Variants in FAM193B observed in about 807,000 individuals in gnomAD.
FAM193B encodes the protein family with sequence similarity 193 member B.
A neutral mutation model predicts 70.7 loss-of-function variants in FAM193B; 27 were observed. The ratio of observed to expected loss-of-function variants is 0.38; its 90% CI spans 0.28 to 0.53. FAM193B has a LOEUF of 0.53. Among genes scored for constraint, FAM193B ranks in the 20% least tolerant of loss-of-function variants. The pLI is 0.81. For synonymous variants in FAM193B, 448 were observed against 436.0 expected (o/e 1.03, Z -0.34); for missense variants, 1,022 against 1,072.5 (o/e 0.95, Z 0.66).
chr5:177,530,597 A>T (rs1763300467), intron 5 of FAM193B, among the ~76,000 whole-genome samples: 1 of 152,080 alleles, frequency 6.6e-6, no homozygotes, highest in South Asian at 2.1e-4. Context: ...GCTACCTTCC[A>T]TTTGGCCACG....
chr5:177,553,571 C>T (rs935408718), intron 1 of FAM193B: 8 of 1,164,654 alleles, frequency 6.9e-6, no homozygotes, highest in South Asian at 1.7e-5. Flanking sequence ...GGGAATCCTC[C>T]TACTGTTCGC....
intron 5 of FAM193B, chr5:177,531,606 T>G (rs2127462440): frequency 9.1e-7 from 1 of 1,098,282 alleles, no homozygotes; most frequent in Admixed American, 3.5e-5. Flanking sequence ...AAGTATGTGA[T>G]GAGAAGCAAG....
rs767547329 is a variant in FAM193B at position 177,539,139 on chromosome 5, G to A, written c.219C>T (p.Pro73=). 1.7e-5 allele frequency: 26 copies of A among 1,565,102 alleles called. No individual in the cohort carries two copies. Among genetic ancestry groups the A allele is most frequent in the East Asian group, 9.4e-5 (4 of 42,588 alleles). The change falls in exon 2 of 9, where the codon CCC becomes CCT. Residue 73 remains proline, a synonymous_variant. Coordinates refer to ENST00000514747, the MANE Select transcript of FAM193B (RefSeq NM_001190946.3). ...PNLVPGPQVP[P]ASSQPVQTCC... is the part of the protein sequence containing the mutation. ...AAGTCTGCACAGGCTGGCTGGAGGC[G>A]GGGGGGACCTGTCCAACAGACAGAA...
rs781708652 is a variant in FAM193B, at chr5:177,532,494, T to TC, written c.1223dup (p.Asp409ArgfsTer6). 6.2e-7 allele frequency: 1 copy of TC among 1,611,756 alleles called. No homozygotes were observed. Among genetic ancestry groups the TC allele is most frequent in the South Asian group, 1.1e-5 (1 of 90,320 alleles). ...AGCAGCAGTCACAGAACTTCCCATC[T>TC]CTCTGGTGGGTGGAGGATGAGGTGC... On this transcript the variant is annotated frameshift_variant, in exon 5 of 9. Transcript: ENST00000514747. LOFTEE classifies it high-confidence loss of function. The surrounding 1 kb of genome is among the most constrained non-coding windows in gnomAD (Gnocchi z 4.9).
intron 7 of FAM193B, among the ~76,000 whole-genome samples, chr5:177,522,636 G>A (rs1761937281): frequency 6.6e-6 from 1 of 151,564 alleles, no homozygotes; most frequent in African/African-American, 2.4e-5. Context: ...CACTGTGCTT[G>A]GCCTTCCCAC....
chr5:177,546,977 T>C (rs1239963954), intron 1 of FAM193B, among the ~76,000 whole-genome samples: 2 of 152,176 alleles, frequency 1.3e-5, no homozygotes, highest in African/African-American at 2.4e-5. Context: ...ACGTTACTCA[T>C]GGAGGAGGAA....
intron 5 of FAM193B, among the ~76,000 whole-genome samples, chr5:177,529,069 T>C (rs1018726450): frequency 3.9e-5 from 6 of 152,060 alleles, no homozygotes; most frequent in Middle Eastern, 3.4e-3. Flanking sequence ...GAGAAACGGA[T>C]TGACCTGGGA....
chr5:177,532,305 A>T lies in FAM193B; in HGVS notation c.1275+138T>A. The T allele has an allele frequency of 6.7e-7, 1 of 1,486,970 alleles. No homozygotes were observed. Among genetic ancestry groups the T allele is most frequent in the South Asian group, 1.3e-5 (1 of 77,180 alleles). The allele number at this position is 1,486,970 out of a possible 1,614,324, so 92.1% of individuals were successfully genotyped here. A position where few individuals can be genotyped will look rare whatever the true frequency, so the allele number is the denominator to read the frequency against. On this transcript the variant is annotated intron_variant, in intron 5 of 8. Transcript: ENST00000514747. The surrounding 1 kb of genome is among the most constrained non-coding windows in gnomAD (Gnocchi z 4.9). Reference sequence around the variant, plus strand: ...AATGTGCTGTGAGGATCAAGCGAGCAGACGCAGGTGCAAGGACTCACGGCC... The same window carrying T: ...AATGTGCTGTGAGGATCAAGCGAGCTGACGCAGGTGCAAGGACTCACGGCC...
In FAM193B at chr5:177,540,864, C is replaced by T. The variant is rs560554569; in HGVS notation, c.211-1717G>A. On this transcript the variant is annotated intron_variant, in intron 1 of 8. Coordinates refer to ENST00000514747, the MANE Select transcript of FAM193B (RefSeq NM_001190946.3). ...GCCTACGGGAATAATAAGGGTATCA[C>T]CCTCATCCTACCAATAAGATAATGC... 1.0e-3 allele frequency among the ~76,000 whole-genome samples: 155 copies of T among 152,278 alleles called. 3 individuals are homozygous for T. The South Asian group carries it at 0.031, about 31-fold the overall frequency.
At position 177,524,937 on chromosome 5, in the gene FAM193B, A is replaced by G; in HGVS notation, c.1544T>C (p.Leu515Pro). 1 of 1,507,712 alleles carries G rather than the reference A, an allele frequency of 6.6e-7. No individual in the cohort carries two copies. The highest frequency in any genetic ancestry group is 8.9e-7 in the Non-Finnish European group (1 of 1,129,882). 93.4% of individuals were successfully genotyped at this position (1,507,712 alleles called of 1,614,324 possible). The change falls in exon 6 of 9, where the codon CTA becomes CCA. Residue 515 changes from leucine to proline, a missense_variant. Coordinates refer to ENST00000514747, the MANE Select transcript of FAM193B (RefSeq NM_001190946.3). ...GGAGCCACTGAGGTTTGAGGGGGGT[A>G]GACTCTGAGGCTCAGGCTCAGCAGC... ...EGAAEPEPQS[L>P]PPSNLSGSSE...
In FAM193B at chr5:177,523,997, C is replaced by G. The variant is rs1281234371; in HGVS notation, c.2332G>C (p.Glu778Gln). 4.3e-6 allele frequency: 7 copies of G among 1,613,976 alleles called. No individual in the cohort carries two copies. The highest frequency in any genetic ancestry group is 5.1e-6 in the Non-Finnish European group (6 of 1,179,924). The part of the protein sequence containing the change: ...VFLPKDMDGV[E>Q]MDETDREVEY... ...ACCTCTCGGTCAGTCTCATCCATCTCCACCCCGTCCATGTCCTTGGGCAGG... is the reference window on the plus strand; with the variant it reads ...ACCTCTCGGTCAGTCTCATCCATCTGCACCCCGTCCATGTCCTTGGGCAGG... Residue 778 changes from glutamate (E) to glutamine (Q), a missense_variant, in exon 7 of 9, where the codon GAG becomes CAG. Coordinates refer to ENST00000514747, the MANE Select transcript of FAM193B (RefSeq NM_001190946.3).
chr5:177,548,613 A>G (rs1409966071), intron 1 of FAM193B, among the ~76,000 whole-genome samples: 1 of 152,146 alleles, frequency 6.6e-6, no homozygotes, highest in Non-Finnish European at 1.5e-5. Flanking sequence ...GAACAATTCA[A>G]CAATAGATAC....
chr5:177,553,615 G>A, intron 1 of FAM193B: 3 of 1,220,910 alleles, frequency 2.5e-6, no homozygotes, highest in Non-Finnish European at 3.1e-6. Flanking sequence ...GGGATCTCAA[G>A]GTCGGGGTGG....
intron 1 of FAM193B, among the ~76,000 whole-genome samples, chr5:177,541,545 A>G (rs1365024526): frequency 6.6e-6 from 1 of 152,068 alleles, no homozygotes; most frequent in African/African-American, 2.4e-5. Flanking sequence ...CAGCCTCCCG[A>G]GTAGCCGGGA....
In FAM193B at chr5:177,524,288, C is replaced by T. The variant is rs1259148950; in HGVS notation, c.2193G>A (p.Glu731=). The change falls in exon 6 of 9, where the codon GAG becomes GAA. Residue 731 remains glutamate, a synonymous_variant. Coordinates refer to ENST00000514747, the MANE Select transcript of FAM193B (RefSeq NM_001190946.3). ...TTGCTGGGCCTGAGGGCTGCACAGA[C>T]TCCTGCTCCTGAGGCCGTGCCTTGG... ...GEAKARPQEQ[E]SVQPSGPARP... The T allele has an allele frequency of 2.5e-6, 4 of 1,584,664 alleles. No homozygotes were observed. The South Asian group carries it at 3.4e-5, about 14-fold the overall frequency.
chr5:177,533,593 A>T (rs1198350636), intron 4 of FAM193B, among the ~76,000 whole-genome samples: 1 of 152,202 alleles, frequency 6.6e-6, no homozygotes, highest in Non-Finnish European at 1.5e-5. Context: ...GGCGTGAGCC[A>T]CTGCGCCCGG....
At chr5:177,541,370 G>GA (rs1764830464) in intron 1 of FAM193B, among the ~76,000 whole-genome samples, 1 of 152,016 alleles carries the variant, frequency 6.6e-6, no homozygotes. Flanking sequence ...TGCTAGGTTC[G>GA]AAAGTCAGTA....
intron 5 of FAM193B, chr5:177,531,665 T>G: frequency 1.3e-6 from 1 of 769,494 alleles, no homozygotes; most frequent in Non-Finnish European, 1.8e-6. Context: ...GGCTTCACCC[T>G]CTCAGCCAGG....
At chr5:177,522,232 G>A (rs972395564) in intron 7 of FAM193B, 161 bp from the exon 8 acceptor site, 4 of 590,370 alleles carry the variant, frequency 6.8e-6, no homozygotes, top group Middle Eastern at 4.2e-4. Flanking sequence ...GAGCTTTGCT[G>A]GCTTGGGGGC....
Sources: allele counts gnomAD v4.1 joint callset (sites outside exome capture counted in the v4.1 genomes callset), GRCh38; gene constraint gnomAD v4.1.1; non-coding constraint Gnocchi (gnomAD v3.1); transcripts MANE v1.5; gene names NCBI Gene and HGNC (gene_info 2026-07-23, HGNC 2026-07-21).